WLS: variants seen among roughly 807,000 people sequenced by gnomAD.
WLS encodes Wnt ligand secretion mediator.
WLS carries 23 observed loss-of-function variants against 62.8 expected under a neutral mutation model. The observed-to-expected ratio is 0.37, with a 90% CI of 0.26 to 0.52. WLS has a LOEUF of 0.52. WLS is among the 20% of genes least tolerant of loss of function. The pLI is 0.92. For synonymous variants in WLS, 246 were observed against 244.1 expected, an observed-to-expected ratio of 1.01 and a Z score of -0.07; for missense variants, 615 against 697.3, an observed-to-expected ratio of 0.88 and a Z score of 1.33.
At chr1:68,162,363 G>T in intron 2 of WLS, 1 of 1,613,970 alleles carries the variant, frequency 6.2e-7, no homozygotes. Context: ...CGTTGAGATT[G>T]CAGTGCAAGG....
intron 1 of WLS, among the ~76,000 whole-genome samples, chr1:68,205,871 TTC>T (rs746373239): frequency 6.6e-6 from 1 of 152,240 alleles, no homozygotes; most frequent in Non-Finnish European, 1.5e-5. Context: ...AATGATTTTT[TTC>T]TCTCTGCCCC....
intron 3 of WLS, among the ~76,000 whole-genome samples, chr1:68,157,247 C>T (rs144001479): frequency 3.9e-4 from 59 of 152,342 alleles, no homozygotes; most frequent in African/African-American, 1.4e-3. Context: ...TCCAGGGTCA[C>T]TTCTAATCCC....
chr1:68,168,294 A>G (rs1056828213), intron 2 of WLS, among the ~76,000 whole-genome samples: 4 of 152,218 alleles, frequency 2.6e-5, no homozygotes, highest in Non-Finnish European at 2.9e-5. Flanking sequence ...TACACCTTCT[A>G]TATTTGAAAC....
chr1:68,117,731 AG>A (rs1378003565), intron 11 of WLS: 5 of 152,326 alleles, frequency 3.3e-5, no homozygotes, highest in Non-Finnish European at 1.5e-5. Context: ...TGGCAGTCGG[AG>A]GTGAGTTCCC....
chr1:68,134,518 T>G (rs975485335), intron 11 of WLS, among the ~76,000 whole-genome samples: 20 of 152,170 alleles, frequency 1.3e-4, no homozygotes, highest in Non-Finnish European at 2.9e-4. Context: ...CTGAAGAATG[T>G]TTTTTCACAG....
intron 11 of WLS, among the ~76,000 whole-genome samples, chr1:68,103,054 G>A (rs1397745821): frequency 6.6e-6 from 1 of 152,174 alleles, no homozygotes; most frequent in East Asian, 1.9e-4. Flanking sequence ...TGACCCCAGT[G>A]GACCGGAACC....
At chr1:68,109,550 CTA>C (rs1162748628) in intron 11 of WLS, among the ~76,000 whole-genome samples, 1 of 151,800 alleles carries the variant, frequency 6.6e-6, no homozygotes, top group Non-Finnish European at 1.5e-5. Context: ...CAATGCTAGA[CTA>C]TAAAAAGTGA....
At chr1:68,201,807 C>T (rs991041198) in intron 1 of WLS, among the ~76,000 whole-genome samples, 2 of 152,098 alleles carry the variant, frequency 1.3e-5, no homozygotes, top group African/African-American at 4.8e-5. Context: ...ATAATTTGTA[C>T]CGTACACACA....
chr1:68,181,062 C>A (rs1215483293), intron 2 of WLS, among the ~76,000 whole-genome samples: 2 of 152,190 alleles, frequency 1.3e-5, no homozygotes, highest in African/African-American at 4.8e-5. Context: ...AGAATTCTGC[C>A]TTGCTCTCAT....
At chr1:68,123,788 T>C (rs1000993252), downstream of WLS, among the ~76,000 whole-genome samples, 7 of 152,250 alleles carry the variant, frequency 4.6e-5, no homozygotes, top group South Asian at 1.5e-3. Flanking sequence ...AAACAAGAAC[T>C]GGATAAAGAC....
intron 1 of WLS, among the ~76,000 whole-genome samples, chr1:68,203,426 G>A (rs185580331): frequency 3.3e-5 from 5 of 152,332 alleles, no homozygotes; most frequent in Admixed American, 3.3e-4. Context: ...GCTTGCTGAA[G>A]CTCCACAGGC....
chr1:68,161,738 CT>C (rs1646977041), intron 2 of WLS: 1 of 1,554,524 alleles, frequency 6.4e-7, no homozygotes, highest in Non-Finnish European at 8.8e-7. Context: ...GAATGATTAC[CT>C]TCCGGCATTC....
At position 68,228,202 on chromosome 1, in the gene WLS, G is replaced by C. The variant is rs1451471971; in HGVS notation, c.106+3992C>G. ...ATCTTTTCTAAAGAAATAATAATTGGTGATTTGTTGATACTTACAGTTTAT... is the reference window on the plus strand; with the variant it reads ...ATCTTTTCTAAAGAAATAATAATTGCTGATTTGTTGATACTTACAGTTTAT... On this transcript the variant is annotated intron_variant, in intron 1 of 11. Transcript: ENST00000262348. 7.1e-6 allele frequency: 3 copies of C among 424,468 alleles called. 1 individual carries two copies. The highest frequency in any genetic ancestry group is 5.2e-5 in the South Asian group (3 of 57,898). The allele number at this position is 424,468 out of a possible 1,614,324, so 26.3% of individuals were successfully genotyped here.
chr1:68,186,652 G>C, intron 2 of WLS: 1 of 456,148 alleles, frequency 2.2e-6, no homozygotes. Flanking sequence ...GTTCATTGCT[G>C]TCAGAAAGGA....
intron 2 of WLS, among the ~76,000 whole-genome samples, chr1:68,169,232 G>A (rs758637025): frequency 1.3e-5 from 2 of 152,154 alleles, no homozygotes; most frequent in Non-Finnish European, 2.9e-5. Flanking sequence ...AAGGGAGAAC[G>A]GTGCTCACAT....
chr1:68,195,225 A>C (rs1377640460), intron 1 of WLS, among the ~76,000 whole-genome samples: 1 of 152,234 alleles, frequency 6.6e-6, no homozygotes, highest in African/African-American at 2.4e-5. Context: ...GTGTGATAAC[A>C]CCAGCTCTGG....
chr1:68,107,719 T>G (rs1199825399), intron 11 of WLS, among the ~76,000 whole-genome samples: 1 of 152,200 alleles, frequency 6.6e-6, no homozygotes, highest in African/African-American at 2.4e-5. Flanking sequence ...CATTTGATCC[T>G]CATGGCAAAC....
chr1:68,148,590 C>A lies in WLS; in HGVS notation c.1043G>T (p.Cys348Phe). The A allele has an allele frequency of 2.0e-5, 32 of 1,614,064 alleles. No homozygotes were observed. Among genetic ancestry groups the A allele is most frequent in the Non-Finnish European group, 2.7e-5 (32 of 1,179,980 alleles). ...CTCACACATGTCAAATATGAAGAGG[C>A]AGAAGGAGCCAACGGCAATGGGTCC... ...QVGPIAVGSF[C>F]LFIFDMCERG... The change falls in exon 7 of 12, where the codon TGC becomes TTC. Residue 348 changes from cysteine to phenylalanine, a missense_variant. Transcript: ENST00000262348.
chr1:68,224,469 G>T (rs1016071580), intron 1 of WLS, among the ~76,000 whole-genome samples: 2 of 152,040 alleles, frequency 1.3e-5, no homozygotes, highest in African/African-American at 4.8e-5. Context: ...CAGGACCTAC[G>T]ATGTATGCTA....
Sources: allele counts gnomAD v4.1 joint callset (sites outside exome capture counted in the v4.1 genomes callset), GRCh38; gene constraint gnomAD v4.1.1; transcripts MANE v1.5; gene names NCBI Gene and HGNC (gene_info 2026-07-23, HGNC 2026-07-21).